The following CDH4 variants were observed in gnomAD, a reference collection of about 807,000 sequenced individuals.
CDH4 encodes the protein cadherin 4, also known as cadherin-4.
A neutral mutation model predicts 86.0 loss-of-function variants in CDH4; 33 were observed. The ratio of observed to expected loss-of-function variants is 0.38; its 90% CI spans 0.29 to 0.51. The LOEUF is 0.51. CDH4 is among the 20% of genes least tolerant of loss of function. The probability of loss-of-function intolerance (pLI) is 0.86; values close to 1 mark genes in which losing one functional copy is unlikely to be tolerated. For synonymous variants in CDH4, 555 were observed against 549.4 expected, an observed-to-expected ratio of 1.01 and a Z score of -0.14; for missense variants, 1,114 against 1,307.4, an observed-to-expected ratio of 0.85 and a Z score of 2.28.
In CDH4 at chr20:61,663,409, A is replaced by T. The variant is rs1257306852; in HGVS notation, c.170-80154A>T. Among the ~76,000 whole-genome samples, 1 of 152,152 alleles carries T rather than the reference A, an allele frequency of 6.6e-6. No homozygotes were observed. The highest frequency in any genetic ancestry group is 2.4e-5 in the African/African-American group (1 of 41,436). ...CTGAGGAGGCAGTGTTTGCGCTGAAACCTAGAAAAAGAGCTGCGTAAAAGA... is the reference window on the plus strand; with the variant it reads ...CTGAGGAGGCAGTGTTTGCGCTGAATCCTAGAAAAAGAGCTGCGTAAAAGA... On this transcript the variant is annotated intron_variant, in intron 2 of 15. Transcript: ENST00000614565. This position sits in a 1 kb window ranked among gnomAD's most constrained non-coding sequence, Gnocchi z 5.0.
rs778069562 is a variant in CDH4 at position 61,258,519 on chromosome 20, T to G, written c.169+3582T>G. Among the ~76,000 whole-genome samples, 18 of 152,300 alleles carry G rather than the reference T, an allele frequency of 1.2e-4. No homozygotes were observed. The South Asian group carries it at 1.5e-3, about 12-fold the overall frequency. ...TATCTGGCCAATCATCTCTCTTACT[T>G]AAACTCTCTGGTTTCTGAGGGTAAG... is the stretch of plus-strand genomic sequence containing the variant. On this transcript the variant is annotated intron_variant, in intron 2 of 15. Coordinates refer to ENST00000614565, the MANE Select transcript of CDH4 (RefSeq NM_001794.5).
chr20:61,401,392 A>AT (rs11481144), intron 2 of CDH4, among the ~76,000 whole-genome samples: 85,522 of 151,870 alleles, frequency 0.56, 25,625 homozygotes, highest in African/African-American at 0.77. Context: ...TTTTTTTGTC[A>AT]GACAAAAAGA....
rs1005002572 is a variant in CDH4, at chr20:61,684,311, C to T, written c.170-59252C>T. ...CAAAGGGGCGACCATGCGACTGAGC[C>T]CTGTGGGAAGAGCAGGGGGGCCGCC... On this transcript the variant is annotated intron_variant, in intron 2 of 15. Transcript: ENST00000614565. The surrounding 1 kb of genome is among the most constrained non-coding windows in gnomAD (Gnocchi z 4.5). 1.3e-5 allele frequency among the ~76,000 whole-genome samples: 2 copies of T among 152,124 alleles called. No homozygotes were observed. The highest frequency in any genetic ancestry group is 4.8e-5 in the African/African-American group (2 of 41,424).
At chr20:61,419,962 G>C (rs1414935131) in intron 2 of CDH4, among the ~76,000 whole-genome samples, 2 of 152,218 alleles carry the variant, frequency 1.3e-5, no homozygotes, top group Admixed American at 6.5e-5. Flanking sequence ...GCACACAGTA[G>C]GTGTCTGTTG....
intron 2 of CDH4, among the ~76,000 whole-genome samples, chr20:61,503,239 G>C (rs187416789): frequency 1.3e-5 from 2 of 152,152 alleles, no homozygotes; most frequent in African/African-American, 4.8e-5. Flanking sequence ...GAAGCTCAAC[G>C]TGGGCCCACA....
intron 2 of CDH4, among the ~76,000 whole-genome samples, chr20:61,464,060 C>T (rs189990362): frequency 2.6e-5 from 4 of 152,112 alleles, no homozygotes; most frequent in African/African-American, 9.7e-5. Flanking sequence ...CAGTCACTGC[C>T]CATAAGCTTA....
At chr20:61,571,077 G>C (rs1182526409) in intron 2 of CDH4, among the ~76,000 whole-genome samples, 1 of 152,164 alleles carries the variant, frequency 6.6e-6, no homozygotes, top group Admixed American at 6.5e-5. Flanking sequence ...CAAGGTGGTG[G>C]GGTCCAACAG....
chr20:61,435,365 C>A (rs1442324555), intron 2 of CDH4, among the ~76,000 whole-genome samples: 3 of 152,238 alleles, frequency 2.0e-5, no homozygotes, highest in Non-Finnish European at 4.4e-5. Context: ...ACCTGTGAAA[C>A]CACAGCCCTG....
chr20:61,628,651 G>A (rs889445017), intron 2 of CDH4, among the ~76,000 whole-genome samples: 6 of 152,240 alleles, frequency 3.9e-5, no homozygotes, highest in Non-Finnish European at 8.8e-5. Context: ...GGTCCTGTGG[G>A]GGATGGCCCG....
At position 61,574,993 on chromosome 20, in the gene CDH4, G is replaced by T. The variant is rs566703785; in HGVS notation, c.170-168570G>T. Among the ~76,000 whole-genome samples, 5 of 152,326 alleles carry T rather than the reference G, an allele frequency of 3.3e-5. No homozygotes were observed. The East Asian group carries it at 9.6e-4, about 29-fold the overall frequency. On this transcript the variant is annotated intron_variant, in intron 2 of 15. Coordinates refer to ENST00000614565, the MANE Select transcript of CDH4 (RefSeq NM_001794.5). The stretch of plus-strand genomic sequence containing the variant: ...CTCATGAAGAGTGCTGCCGTGTGAA[G>T]AAACACCACGCTGGGAAGGTGCGGC...
chr20:61,820,901 G>A (rs1449235370), intron 4 of CDH4, among the ~76,000 whole-genome samples: 6 of 152,242 alleles, frequency 3.9e-5, no homozygotes, highest in Admixed American at 3.9e-4. Context: ...TGACATGCAG[G>A]TAGAAATAGG....
At chr20:61,466,772 A>C (rs2085474155) in intron 2 of CDH4, among the ~76,000 whole-genome samples, 1 of 151,960 alleles carries the variant, frequency 6.6e-6, no homozygotes, top group South Asian at 2.1e-4. Flanking sequence ...GATCACTTGA[A>C]CCTGGGAGGC....
intron 2 of CDH4, among the ~76,000 whole-genome samples, chr20:61,652,938 A>ATTTTTTTTTTTTTTTTTTTTTTTT (rs763918382): frequency 8.4e-4 from 82 of 97,252 alleles, no homozygotes; most frequent in Non-Finnish European, 1.3e-3. Context: ...TTATTTATTT[A>ATTTTTTTTTTTTTTTTTTTTTTTT]TTTTTTTTTT....
At chr20:61,768,640 C>T (rs890155267) in intron 3 of CDH4, among the ~76,000 whole-genome samples, 2 of 152,084 alleles carry the variant, frequency 1.3e-5, no homozygotes, top group African/African-American at 4.8e-5. Context: ...CTGAATGGGC[C>T]CAAGATGACT....
At chr20:61,384,486 G>A (rs536920223) in intron 2 of CDH4, among the ~76,000 whole-genome samples, 2 of 152,294 alleles carry the variant, frequency 1.3e-5, no homozygotes, top group South Asian at 4.1e-4. Context: ...CCATCTGGAA[G>A]CTGGTGACCT....
At chr20:61,933,160 G>C (rs1600791981) in intron 14 of CDH4, 36 bp downstream of exon 14, 3 of 1,604,412 alleles carry the variant, frequency 1.9e-6, no homozygotes, top group Non-Finnish European at 2.6e-6. Context: ...CCCCACGCGA[G>C]GCCGGCTCTC....
chr20:61,741,910 A>G (rs962717394), intron 2 of CDH4, among the ~76,000 whole-genome samples: 10 of 152,042 alleles, frequency 6.6e-5, no homozygotes, highest in South Asian at 2.1e-4. Context: ...CTGCTGTCCA[A>G]TTGCATTAGT....
At chr20:61,693,579 C>T (rs1029774640) in intron 2 of CDH4, among the ~76,000 whole-genome samples, 7 of 152,220 alleles carry the variant, frequency 4.6e-5, no homozygotes, top group African/African-American at 1.7e-4. Flanking sequence ...CTCTGCCCTG[C>T]GTCCGCTCCA....
chr20:61,533,689 G>A (rs1284901819), intron 2 of CDH4, among the ~76,000 whole-genome samples: 1 of 152,238 alleles, frequency 6.6e-6, no homozygotes, highest in Non-Finnish European at 1.5e-5. Context: ...TTGCACAGGT[G>A]CCCCATGAGA....
Sources: allele counts gnomAD v4.1 joint callset (sites outside exome capture counted in the v4.1 genomes callset), GRCh38; gene constraint gnomAD v4.1.1; non-coding constraint Gnocchi (gnomAD v3.1); transcripts MANE v1.5; gene names NCBI Gene and HGNC (gene_info 2026-07-23, HGNC 2026-07-21).